TSPAN13: variants seen among roughly 807,000 people sequenced by gnomAD.
TSPAN13 encodes the protein tetraspanin 13.
A neutral mutation model predicts 26.9 loss-of-function variants in TSPAN13; 18 were observed. The observed-to-expected ratio is 0.67, with a 90% CI of 0.46 to 0.99. The LOEUF is 0.99. Ranked by LOEUF, TSPAN13 falls within the 50% of genes least tolerant of loss-of-function variation. The pLI, the probability that TSPAN13 is intolerant of heterozygous loss-of-function variation, is 0.00. For missense variants in TSPAN13, 201 were observed against 249.6 expected (o/e 0.81, Z 1.31); for synonymous variants, 116 against 98.4 (o/e 1.18, Z -1.06).
chr7:16,765,312 A>C (rs572235239), intron 1 of TSPAN13, among the ~76,000 whole-genome samples: 99 of 152,110 alleles, frequency 6.5e-4, no homozygotes, highest in Non-Finnish European at 1.1e-3. Flanking sequence ...CATGTTGCCC[A>C]GGCTGGTTTC....
chr7:16,767,125 G>GAA lies in TSPAN13; in HGVS notation c.64-9085_64-9084dup, dbSNP rs567013231. ...TGAACCCAGCTAATCTCTCTTTTAA[G>GAA]AAGTTAAATGTTACTCTGTAGCTAA... On this transcript the variant is annotated intron_variant, in intron 1 of 5. Transcript: ENST00000262067. Among the ~76,000 whole-genome samples, 154 of 152,232 alleles carry GAA rather than the reference G, an allele frequency of 1.0e-3. No individual in the cohort carries two copies. The South Asian group carries it at 0.013, about 13-fold the overall frequency.
chr7:16,767,981 C>T (rs950706191), intron 1 of TSPAN13, among the ~76,000 whole-genome samples: 19 of 152,140 alleles, frequency 1.2e-4, no homozygotes, highest in Non-Finnish European at 2.4e-4. Flanking sequence ...GGCACCATCT[C>T]GGCCCACTGC....
chr7:16,778,892 C>T lies in TSPAN13; in HGVS notation c.427-111C>T. 4.2e-6 allele frequency: 3 copies of T among 722,394 alleles called. No individual in the cohort carries two copies. The East Asian group carries it at 8.5e-5, about 21-fold the overall frequency. The allele number at this position is 722,394 out of a possible 1,614,324, so 44.7% of individuals were successfully genotyped here. A position where few individuals can be genotyped will look rare whatever the true frequency, so the allele number is the denominator to read the frequency against. On this transcript the variant is annotated intron_variant, in intron 4 of 5. Transcript: ENST00000262067. ...AGATTTGCACACTAAAAAACCAAGGCCTCAAATTGGATATAATACTCTTAG... is the reference window on the plus strand; with the variant it reads ...AGATTTGCACACTAAAAAACCAAGGTCTCAAATTGGATATAATACTCTTAG...
chr7:16,761,208 C>T (rs1205388323), intron 1 of TSPAN13, among the ~76,000 whole-genome samples: 1 of 152,090 alleles, frequency 6.6e-6, no homozygotes, highest in Admixed American at 6.5e-5. Context: ...TCACGGAGAG[C>T]CATAATGAAG....
chr7:16,754,335 A>G (rs946792346), intron 1 of TSPAN13, among the ~76,000 whole-genome samples: 4 of 151,786 alleles, frequency 2.6e-5, no homozygotes, highest in South Asian at 2.1e-4. Flanking sequence ...ATTCAACCGG[A>G]CCTCTCCGCT....
intron 1 of TSPAN13, among the ~76,000 whole-genome samples, chr7:16,772,106 T>C (rs1784686289): frequency 6.6e-6 from 1 of 152,200 alleles, no homozygotes; most frequent in Admixed American, 6.5e-5. Flanking sequence ...AATGAGCCTA[T>C]TAGTTGGCAA....
rs747336234 is a variant in TSPAN13, at chr7:16,783,405, T to C, written c.541-12T>C. 2.4e-5 allele frequency: 39 copies of C among 1,605,786 alleles called. No homozygotes were observed. The highest frequency in any genetic ancestry group is 8.9e-5 in the East Asian group (4 of 44,728). On this transcript the variant is annotated splice_polypyrimidine_tract_variant and intron_variant, in intron 5 of 5. Coordinates refer to ENST00000262067, the MANE Select transcript of TSPAN13 (RefSeq NM_014399.4). ...TCTTTTTCTTTACTTTATTTTTTTTTCCCCATTCCAGATCCTGGGTGTTTG... is the reference window on the plus strand; with the variant it reads ...TCTTTTTCTTTACTTTATTTTTTTTCCCCCATTCCAGATCCTGGGTGTTTG...
At position 16,753,872 on chromosome 7, in the gene TSPAN13, C is replaced by T. The variant is rs1784450663; in HGVS notation, c.-96C>T. 5 of 1,351,224 alleles carry T rather than the reference C, an allele frequency of 3.7e-6. No individual in the cohort carries two copies. Among genetic ancestry groups the T allele is most frequent in the Non-Finnish European group, 5.2e-6 (5 of 964,620 alleles). The allele number at this position is 1,351,224 out of a possible 1,614,324, so 83.7% of individuals were successfully genotyped here. On this transcript the variant is annotated 5_prime_UTR_variant, in exon 1 of 6. Coordinates refer to ENST00000262067, the MANE Select transcript of TSPAN13 (RefSeq NM_014399.4). ...ACCCACGTCTGCGTTGCTGCCCCGC[C>T]TGGGCCAGGCCCCAAAGGCAAGGAC...
At chr7:16,777,518 CT>C (rs1202557752) in intron 3 of TSPAN13, among the ~76,000 whole-genome samples, 1 of 152,092 alleles carries the variant, frequency 6.6e-6, no homozygotes, top group Non-Finnish European at 1.5e-5. Flanking sequence ...GAACTTTTGC[CT>C]TGTTAACACT....
chr7:16,758,032 G>A (rs1321862502), intron 1 of TSPAN13, among the ~76,000 whole-genome samples: 2 of 151,784 alleles, frequency 1.3e-5, no homozygotes, highest in African/African-American at 4.8e-5. Context: ...ACGGGGTTTC[G>A]CCGTGTTGGC....
In TSPAN13 at chr7:16,753,960, G is replaced by A. The variant is rs773088659; in HGVS notation, c.-8G>A. On this transcript the variant is annotated 5_prime_UTR_variant, in exon 1 of 6. Coordinates refer to ENST00000262067, the MANE Select transcript of TSPAN13 (RefSeq NM_014399.4). Reference sequence around the variant, plus strand: ...TACGTGCAGCTGCCGGCAACCACAGGTTCCAAGATGGTTTGCGGGGGCTTC... The same window carrying A: ...TACGTGCAGCTGCCGGCAACCACAGATTCCAAGATGGTTTGCGGGGGCTTC... 6.2e-7 allele frequency: 1 copy of A among 1,612,434 alleles called. No homozygotes were observed. The highest frequency in any genetic ancestry group is 8.5e-7 in the Non-Finnish European group (1 of 1,179,280).
rs371641422 is a variant in TSPAN13 at position 16,753,966 on chromosome 7, A to T, written c.-2A>T. 8.9e-5 allele frequency: 144 copies of T among 1,612,720 alleles called. No homozygotes were observed. The highest frequency in any genetic ancestry group is 1.1e-4 in the Non-Finnish European group (135 of 1,179,468). ...CAGCTGCCGGCAACCACAGGTTCCA[A>T]GATGGTTTGCGGGGGCTTCGCGTGT... is the stretch of plus-strand genomic sequence containing the variant. On this transcript the variant is annotated 5_prime_UTR_variant, in exon 1 of 6. The change creates a new upstream start codon in the 5' untranslated region. Transcript: ENST00000262067.
rs1271014543 is a variant in TSPAN13, at chr7:16,779,000, CAGA to C, written c.427-2_427del. The C allele has an allele frequency of 6.2e-7, 1 of 1,600,440 alleles. No individual in the cohort carries two copies. Among genetic ancestry groups the C allele is most frequent in the Non-Finnish European group, 8.5e-7 (1 of 1,172,300 alleles). Reference sequence around the variant, plus strand: ...AAAGGTTTTTTTACTTTAATTGGTGCAGAGCTGTGTTAAAAGTGACCACTCGTG... The same window carrying C: ...AAAGGTTTTTTTACTTTAATTGGTGCGCTGTGTTAAAAGTGACCACTCGTG... On this transcript the variant is annotated splice_acceptor_variant and coding_sequence_variant, in exon 5 of 6. Transcript: ENST00000262067. LOFTEE classifies it high-confidence loss of function.
At position 16,753,957 on chromosome 7, in the gene TSPAN13, CA is replaced by C; in HGVS notation, c.-10del. On this transcript the variant is annotated 5_prime_UTR_variant, in exon 1 of 6. Transcript: ENST00000262067. ...ATTTACGTGCAGCTGCCGGCAACCA[CA>C]GGTTCCAAGATGGTTTGCGGGGGCT... is the stretch of plus-strand genomic sequence containing the variant. 1 of 1,612,108 alleles carries C rather than the reference CA, an allele frequency of 6.2e-7. No homozygotes were observed. The highest frequency in any genetic ancestry group is 1.1e-5 in the South Asian group (1 of 90,530).
At chr7:16,759,045 C>T (rs1033347795) in intron 1 of TSPAN13, among the ~76,000 whole-genome samples, 16 of 151,848 alleles carry the variant, frequency 1.1e-4, no homozygotes, top group African/African-American at 3.1e-4. Flanking sequence ...AATTATATAT[C>T]GTATTAGAAG....
intron 1 of TSPAN13, among the ~76,000 whole-genome samples, chr7:16,754,267 C>A (rs1467420881): frequency 6.6e-6 from 1 of 152,184 alleles, no homozygotes; most frequent in Non-Finnish European, 1.5e-5. Context: ...GCTCGCTGGC[C>A]GCGTCTCTGC....
At chr7:16,758,387 A>G (rs1280807140) in intron 1 of TSPAN13, among the ~76,000 whole-genome samples, 1 of 152,170 alleles carries the variant, frequency 6.6e-6, no homozygotes, top group East Asian at 1.9e-4. Context: ...ATTGGTGATG[A>G]TATTTTTCAG....
intron 1 of TSPAN13, among the ~76,000 whole-genome samples, chr7:16,763,324 C>T (rs891787121): frequency 2.6e-5 from 4 of 152,148 alleles, no homozygotes; most frequent in African/African-American, 9.7e-5. Flanking sequence ...TGCAATTTTG[C>T]AGGTATTGAA....
At chr7:16,761,690 A>ATTTTTTTTTTTTTT (rs35451307) in intron 1 of TSPAN13, among the ~76,000 whole-genome samples, 1 of 93,322 alleles carries the variant, frequency 1.1e-5, no homozygotes, top group African/African-American at 4.2e-5. Context: ...CAGCTAATTA[A>ATTTTTTTTTTTTTT]TTTTTTTTTT....
Sources: allele counts gnomAD v4.1 joint callset (sites outside exome capture counted in the v4.1 genomes callset), GRCh38; gene constraint gnomAD v4.1.1; transcripts MANE v1.5; gene names NCBI Gene and HGNC (gene_info 2026-07-23, HGNC 2026-07-21).